KIF13A: variants seen among roughly 807,000 people sequenced by gnomAD.
KIF13A encodes kinesin family member 13A.
In KIF13A, 79 loss-of-function variants were observed where a neutral mutation model predicts 212.2. That is an observed-to-expected ratio of 0.37 (90% CI 0.31 to 0.45). The LOEUF is 0.45. Among genes scored for constraint, KIF13A ranks in the 20% least tolerant of loss-of-function variants. The pLI, the probability that KIF13A is intolerant of heterozygous loss-of-function variation, is 1.00. For synonymous variants in KIF13A, 789 were observed against 808.6 expected, an observed-to-expected ratio of 0.98 and a Z score of 0.41; for missense variants, 1,901 against 2,209.0, an observed-to-expected ratio of 0.86 and a Z score of 2.79.
chr6:17,836,983 T>C lies in KIF13A; in HGVS notation c.1050A>G (p.Lys350=), dbSNP rs1434371403. 6.2e-7 allele frequency: 1 copy of C among 1,613,926 alleles called. No individual in the cohort carries two copies. The highest frequency in any genetic ancestry group is 8.5e-7 in the Non-Finnish European group (1 of 1,179,872). Residue 350 remains lysine, a synonymous_variant, in exon 11 of 39, where the codon AAA becomes AAG. Coordinates refer to ENST00000259711, the MANE Select transcript of KIF13A (RefSeq NM_022113.6). The stretch of plus-strand genomic sequence containing the variant: ...TCACAACAGCATGGTTCACAATCCT[T>C]TTGGCTCGGTCTGCATATCTTAATG... ...LSTLRYADRA[K]RIVNHAVVNE...
At chr6:17,964,841 T>G (rs1171347524) in intron 2 of KIF13A, among the ~76,000 whole-genome samples, 1 of 152,184 alleles carries the variant, frequency 6.6e-6, no homozygotes, top group Non-Finnish European at 1.5e-5. Context: ...TTTGTTTTTT[T>G]GAGACTGAGT....
In KIF13A at chr6:17,772,463, C is replaced by A. The variant is rs533165489; in HGVS notation, c.4325-404G>T. Among the ~76,000 whole-genome samples, 49 of 152,142 alleles carry A rather than the reference C, an allele frequency of 3.2e-4. 1 individual carries two copies. The South Asian group carries it at 3.7e-3, about 12-fold the overall frequency. ...AAACAACAAACAACAAACAAAAAAA[C>A]CCCCAAAAAACCATGGAACAGATGT... On this transcript the variant is annotated intron_variant, in intron 36 of 38. Transcript: ENST00000259711. This position sits in a 1 kb window ranked among gnomAD's most constrained non-coding sequence, Gnocchi z 4.8.
At position 17,777,206 on chromosome 6, in the gene KIF13A, A is replaced by G; in HGVS notation, c.4170+71T>C. On this transcript the variant is annotated intron_variant, in intron 34 of 38. Coordinates refer to ENST00000259711, the MANE Select transcript of KIF13A (RefSeq NM_022113.6). This position sits in a 1 kb window ranked among gnomAD's most constrained non-coding sequence, Gnocchi z 4.4. ...CATAAGCTCTACTGCCACTGTGTGA[A>G]TCCCACCTTCCCCCACCCCAGAGGC... The G allele has an allele frequency of 8.0e-7, 1 of 1,243,334 alleles. No individual in the cohort carries two copies. Among genetic ancestry groups the G allele is most frequent in the Non-Finnish European group, 1.2e-6 (1 of 861,974 alleles). 77.0% of individuals were successfully genotyped at this position (1,243,334 alleles called of 1,614,324 possible).
intron 2 of KIF13A, among the ~76,000 whole-genome samples, chr6:17,920,459 T>C (rs1312525263): frequency 6.6e-6 from 1 of 152,234 alleles, no homozygotes; most frequent in Non-Finnish European, 1.5e-5. Context: ...GGTCTGGGCC[T>C]TTTGGTTAGC....
chr6:17,838,761 T>C lies in KIF13A; in HGVS notation c.831-1178A>G, dbSNP rs1262478359. Among the ~76,000 whole-genome samples, 2 of 152,102 alleles carry C rather than the reference T, an allele frequency of 1.3e-5. No homozygotes were observed. The highest frequency in any genetic ancestry group is 4.8e-5 in the African/African-American group (2 of 41,406). On this transcript the variant is annotated intron_variant, in intron 9 of 38. Transcript: ENST00000259711. This position sits in a 1 kb window ranked among gnomAD's most constrained non-coding sequence, Gnocchi z 4.2. ...TGGACATAGAGACTGGAATGGACAA[T>C]GGAGACTTGGAAGGGTGAGGGAGTG...
Position 17,775,012 on chromosome 6 carries a change from T to C in KIF13A, c.4218+3A>G. The stretch of plus-strand genomic sequence containing the variant: ...AAACCTAGCCATGCCCATAGGTGCA[T>C]ACCTTGTCATCTTCATCAAAGCCAG... On this transcript the variant is annotated splice_donor_region_variant and intron_variant, in intron 35 of 38. Coordinates refer to ENST00000259711, the MANE Select transcript of KIF13A (RefSeq NM_022113.6). 2 of 1,609,986 alleles carry C rather than the reference T, an allele frequency of 1.2e-6. No individual in the cohort carries two copies. The highest frequency in any genetic ancestry group is 1.7e-6 in the Non-Finnish European group (2 of 1,177,766).
chr6:17,842,080 G>A (rs1016513091), intron 9 of KIF13A, among the ~76,000 whole-genome samples: 1 of 149,984 alleles, frequency 6.7e-6, no homozygotes, highest in African/African-American at 2.5e-5. Context: ...ATAGGGTCTT[G>A]CTCTGTCGCC....
In KIF13A at chr6:17,763,977, C is replaced by T. The variant is rs1030328757; in HGVS notation, c.*133G>A. ...TTCCCAAAACAGACTTGCTCTCCGA[C>T]AGAGACAGCTGTGCAGGAAGTGAGC... On this transcript the variant is annotated 3_prime_UTR_variant, in exon 39 of 39. Transcript: ENST00000259711. 3.5e-5 allele frequency: 50 copies of T among 1,448,994 alleles called. No individual in the cohort carries two copies. Among genetic ancestry groups the T allele is most frequent in the Middle Eastern group, 2.5e-4 (1 of 4,026 alleles). The allele number at this position is 1,448,994 out of a possible 1,614,324, so 89.8% of individuals were successfully genotyped here.
chr6:17,826,415 A>C lies in KIF13A; in HGVS notation c.1533-291T>G, dbSNP rs963791296. ...GTCAAAATTTGAGCTGAACCTGATC[A>C]AGCTTCCACATTTAAATGCCAATTT... On this transcript the variant is annotated intron_variant, in intron 14 of 38. Transcript: ENST00000259711. The surrounding 1 kb of genome is among the most constrained non-coding windows in gnomAD (Gnocchi z 4.7). 6.6e-6 allele frequency among the ~76,000 whole-genome samples: 1 copy of C among 152,232 alleles called. No homozygotes were observed. The highest frequency in any genetic ancestry group is 2.4e-5 in the African/African-American group (1 of 41,450).
intron 2 of KIF13A, among the ~76,000 whole-genome samples, chr6:17,920,670 T>TC (rs1383736856): frequency 6.6e-6 from 1 of 152,096 alleles, no homozygotes; most frequent in African/African-American, 2.4e-5. Context: ...GGTCCGGAGT[T>TC]CGAGACCAGC....
intron 3 of KIF13A, among the ~76,000 whole-genome samples, chr6:17,873,990 C>T (rs1770258990): frequency 6.6e-6 from 1 of 152,092 alleles, no homozygotes; most frequent in Admixed American, 6.5e-5. Flanking sequence ...AATAACCAGA[C>T]ATTTTAACGA....
intron 18 of KIF13A, 128 bp from the exon 19 acceptor site, chr6:17,805,743 T>A: frequency 1.3e-6 from 1 of 790,232 alleles, no homozygotes; most frequent in Non-Finnish European, 2.0e-6. Context: ...AAGATAAAAT[T>A]CTACCACCTA....
At chr6:17,792,852 G>A (rs1321923470) in intron 25 of KIF13A, among the ~76,000 whole-genome samples, 2 of 152,330 alleles carry the variant, frequency 1.3e-5, no homozygotes, top group East Asian at 3.9e-4. Flanking sequence ...AAGCCAAAAG[G>A]AAACTAAGAT....
At position 17,763,762 on chromosome 6, in the gene KIF13A, A is replaced by T; in HGVS notation, c.*348T>A. 3 of 877,178 alleles carry T rather than the reference A, an allele frequency of 3.4e-6. No individual in the cohort carries two copies. Among genetic ancestry groups the T allele is most frequent in the Non-Finnish European group, 4.3e-6 (3 of 704,606 alleles). The allele number at this position is 877,178 out of a possible 1,614,324, so 54.3% of individuals were successfully genotyped here. A position where few individuals can be genotyped will look rare whatever the true frequency, so the allele number is the denominator to read the frequency against. ...TACATAAAATAATGGTTCATATAAT[A>T]ATCAAAGGAATCACAGATTTGATGA... On this transcript the variant is annotated 3_prime_UTR_variant, in exon 39 of 39. Transcript: ENST00000259711.
intron 34 of KIF13A, 147 bp from the exon 35 acceptor site, chr6:17,775,209 C>A (rs1487476349): frequency 9.9e-6 from 6 of 605,166 alleles, no homozygotes; most frequent in Non-Finnish European, 1.7e-5. Context: ...GTAGTGACTA[C>A]TCTCAATTTG....
At chr6:17,817,255 C>T (rs772636373) in intron 16 of KIF13A, 22 bp from the exon 17 acceptor site, 4 of 1,607,144 alleles carry the variant, frequency 2.5e-6, no homozygotes, top group African/African-American at 1.3e-5. Flanking sequence ...AGAGACAAGG[C>T]AAGGTGTCTT....
Position 17,828,196 on chromosome 6 carries a change from A to C in KIF13A, c.1532+44T>G, listed in dbSNP as rs747962867. 3.8e-6 allele frequency: 6 copies of C among 1,581,916 alleles called. No individual in the cohort carries two copies. The highest frequency in any genetic ancestry group is 5.2e-6 in the Non-Finnish European group (6 of 1,161,936). ...AAGAGGCAGCCTTCTCCTTCTGAAA[A>C]TAAGGCACACAAGACACGTGAAGTC... On this transcript the variant is annotated intron_variant, in intron 14 of 38. Transcript: ENST00000259711. This position sits in a 1 kb window ranked among gnomAD's most constrained non-coding sequence, Gnocchi z 4.3.
rs1053816828 is a variant in KIF13A, at chr6:17,984,838, T to C, written c.146+2216A>G. ...ATTCTCAGTATTCTACTCTTCACCT[T>C]TGCCCTGCCCTGAGCACTATCTAAA... On this transcript the variant is annotated intron_variant, in intron 2 of 38. Transcript: ENST00000259711. This position sits in a 1 kb window ranked among gnomAD's most constrained non-coding sequence, Gnocchi z 5.0. 6.6e-6 allele frequency among the ~76,000 whole-genome samples: 1 copy of C among 152,198 alleles called. No individual in the cohort carries two copies. The highest frequency in any genetic ancestry group is 1.5e-5 in the Non-Finnish European group (1 of 68,034).
intron 2 of KIF13A, among the ~76,000 whole-genome samples, chr6:17,907,648 A>T (rs1773639367): frequency 6.6e-6 from 1 of 152,108 alleles, no homozygotes; most frequent in East Asian, 1.9e-4. Flanking sequence ...AGGGCCACTG[A>T]AGAGGGGTAT....
Sources: allele counts gnomAD v4.1 joint callset (sites outside exome capture counted in the v4.1 genomes callset), GRCh38; gene constraint gnomAD v4.1.1; non-coding constraint Gnocchi (gnomAD v3.1); transcripts MANE v1.5; gene names NCBI Gene and HGNC (gene_info 2026-07-23, HGNC 2026-07-21).